The following NLK variants were observed in gnomAD, a reference collection of about 807,000 sequenced individuals.
NLK encodes the protein serine/threonine-protein kinase NLK.
NLK carries 11 observed loss-of-function variants against 59.0 expected under a neutral mutation model. The observed-to-expected ratio is 0.19, with a 90% confidence interval of 0.12 to 0.31. NLK has a LOEUF of 0.31. Ranked by LOEUF, NLK falls within the 10% of genes least tolerant of loss-of-function variation. The pLI is 1.00. For synonymous variants in NLK, 235 were observed against 235.9 expected (o/e 1.00, Z 0.03); for missense variants, 410 against 661.1 (o/e 0.62, Z 4.16).
intron 1 of NLK, among the ~76,000 whole-genome samples, chr17:28,116,710 A>G (rs1339029293): frequency 6.6e-6 from 1 of 152,168 alleles, no homozygotes; most frequent in African/African-American, 2.4e-5. Context: ...AATGTTTTCT[A>G]TCCTTATAAA....
intron 7 of NLK, among the ~76,000 whole-genome samples, chr17:28,174,442 G>A (rs763375909): frequency 2.0e-5 from 3 of 151,942 alleles, no homozygotes; most frequent in East Asian, 1.9e-4. Flanking sequence ...TCTTGGTGTC[G>A]GCATATTTTG....
At chr17:28,149,094 G>C (rs753281427) in intron 3 of NLK, among the ~76,000 whole-genome samples, 20 of 152,122 alleles carry the variant, frequency 1.3e-4, no homozygotes, top group Non-Finnish European at 2.6e-4. Context: ...ACAGGGTCTT[G>C]CTCTGTCGCC....
At position 28,168,428 on chromosome 17, in the gene NLK, T is replaced by G. The variant is rs1908331499; in HGVS notation, c.838-20T>G. On this transcript the variant is annotated intron_variant, in intron 5 of 10. Coordinates refer to ENST00000407008, the MANE Select transcript of NLK (RefSeq NM_016231.5). Reference sequence around the variant, plus strand: ...CATTTGTATTTGCTTGATAATGTTTTGATTGCCTTTTCTGTCTAGATTTGT... The same window carrying G: ...CATTTGTATTTGCTTGATAATGTTTGGATTGCCTTTTCTGTCTAGATTTGT... 1.9e-6 allele frequency: 3 copies of G among 1,553,370 alleles called. No individual in the cohort carries two copies. Among genetic ancestry groups the G allele is most frequent in the Non-Finnish European group, 2.7e-6 (3 of 1,125,224 alleles).
intron 3 of NLK, among the ~76,000 whole-genome samples, chr17:28,150,926 T>C (rs1907454514): frequency 6.6e-6 from 1 of 152,200 alleles, no homozygotes; most frequent in South Asian, 2.1e-4. Flanking sequence ...CTTCATCCAA[T>C]GGTAACTTAA....
At chr17:28,074,541 C>T (rs534575123) in intron 1 of NLK, among the ~76,000 whole-genome samples, 3 of 151,890 alleles carry the variant, frequency 2.0e-5, no homozygotes, top group Non-Finnish European at 2.9e-5. Flanking sequence ...TCTCCTGTTG[C>T]CTGAATTTAA....
At chr17:28,092,900 A>G (rs546646929) in intron 1 of NLK, among the ~76,000 whole-genome samples, 5 of 151,848 alleles carry the variant, frequency 3.3e-5, no homozygotes, top group Non-Finnish European at 5.9e-5. Flanking sequence ...GGTTCAAACA[A>G]TGCTCCAGTC....
At chr17:28,070,474 C>A (rs1909971971) in intron 1 of NLK, among the ~76,000 whole-genome samples, 1 of 150,920 alleles carries the variant, frequency 6.6e-6, no homozygotes, top group Admixed American at 6.6e-5. Context: ...CTACCTCAGC[C>A]TCCTGAGGAG....
At chr17:28,077,825 T>G (rs565689473) in intron 1 of NLK, among the ~76,000 whole-genome samples, 1 of 152,332 alleles carries the variant, frequency 6.6e-6, no homozygotes, top group Admixed American at 6.5e-5. Flanking sequence ...TTTCATGTTT[T>G]TATAGTATTA....
At chr17:28,115,751 T>G (rs1444753677) in intron 1 of NLK, among the ~76,000 whole-genome samples, 1 of 152,140 alleles carries the variant, frequency 6.6e-6, no homozygotes, top group Admixed American at 6.5e-5. Context: ...TTTCCATTTA[T>G]TCTTTAATTT....
chr17:28,065,516 A>G (rs1221896733), intron 1 of NLK, among the ~76,000 whole-genome samples: 1 of 152,166 alleles, frequency 6.6e-6, no homozygotes, highest in Non-Finnish European at 1.5e-5. Flanking sequence ...TTGAGATTTT[A>G]TCTGAATCTG....
chr17:28,122,417 C>CA (rs1489162181), intron 1 of NLK, among the ~76,000 whole-genome samples, 186 bp from the exon 2 acceptor site: 1 of 151,652 alleles, frequency 6.6e-6, no homozygotes, highest in Non-Finnish European at 1.5e-5. Flanking sequence ...GGTGACCAAA[C>CA]ATTCTCTTTA....
intron 1 of NLK, among the ~76,000 whole-genome samples, chr17:28,068,077 G>T (rs1474527446): frequency 6.6e-6 from 1 of 150,776 alleles, no homozygotes; most frequent in Non-Finnish European, 1.5e-5. Context: ...AGAGGTGGAG[G>T]TTGCAGTAAG....
At chr17:28,183,805 A>G (rs1909009492) in intron 7 of NLK, among the ~76,000 whole-genome samples, 1 of 152,208 alleles carries the variant, frequency 6.6e-6, no homozygotes, top group African/African-American at 2.4e-5. Context: ...AGTCAAGCCG[A>G]TAATAATTTG....
intron 3 of NLK, among the ~76,000 whole-genome samples, chr17:28,159,610 T>A (rs1480568516): frequency 1.3e-5 from 2 of 152,216 alleles, no homozygotes; most frequent in Non-Finnish European, 2.9e-5. Context: ...ATGCCAAATA[T>A]CATTTTCTCA....
intron 2 of NLK, among the ~76,000 whole-genome samples, chr17:28,132,184 A>G (rs1906546301): frequency 6.6e-6 from 1 of 152,156 alleles, no homozygotes; most frequent in African/African-American, 2.4e-5. Context: ...TAGTCATGAG[A>G]GCAGGGATGA....
chr17:28,109,689 TTGTTC>T (rs1905379853), intron 1 of NLK, among the ~76,000 whole-genome samples: 1 of 152,090 alleles, frequency 6.6e-6, no homozygotes, highest in African/African-American at 2.4e-5. Flanking sequence ...AAATAATAGT[TTGTTC>T]TGTTGTATAG....
Position 28,172,425 on chromosome 17 carries a change from G to T in NLK, c.1048-92G>T, listed in dbSNP as rs970022518. ...GCTTGTCTTAAGGTTTTTTCCCCCA[G>T]ATTTGGTCCACTTCTCTAAGGCTAT... On this transcript the variant is annotated intron_variant, in intron 6 of 10. Coordinates refer to ENST00000407008, the MANE Select transcript of NLK (RefSeq NM_016231.5). 3 of 710,408 alleles carry T rather than the reference G, an allele frequency of 4.2e-6. No individual in the cohort carries two copies. In the African/African-American group the frequency reaches 5.6e-5, roughly 13 times the overall value. The allele number at this position is 710,408 out of a possible 1,614,324, so 44.0% of individuals were successfully genotyped here.
chr17:28,183,645 T>C (rs913806729), intron 7 of NLK, among the ~76,000 whole-genome samples: 3 of 152,162 alleles, frequency 2.0e-5, no homozygotes, highest in Non-Finnish European at 4.4e-5. Context: ...TGTGACTTTA[T>C]TGTTATTTGA....
chr17:28,138,011 A>G (rs929390052), intron 3 of NLK, among the ~76,000 whole-genome samples: 4 of 152,078 alleles, frequency 2.6e-5, no homozygotes, highest in African/African-American at 7.2e-5. Context: ...TTGAGTTTCT[A>G]TTTGGAAATC....
Sources: allele counts gnomAD v4.1 joint callset (sites outside exome capture counted in the v4.1 genomes callset), GRCh38; gene constraint gnomAD v4.1.1; transcripts MANE v1.5; gene names NCBI Gene and HGNC (gene_info 2026-07-23, HGNC 2026-07-21).